GDAP1: variants seen among roughly 807,000 people sequenced by gnomAD.
GDAP1 encodes the protein ganglioside induced differentiation associated protein 1, also known as ganglioside-induced differentiation-associated protein 1.
GDAP1 carries 34 observed loss-of-function variants against 40.1 expected under a neutral mutation model. That is an observed-to-expected ratio of 0.85 (90% CI 0.64 to 1.13). GDAP1 has a LOEUF of 1.13. Among genes scored for constraint, GDAP1 ranks in the 50% most tolerant of loss-of-function variants. The pLI, the probability that GDAP1 is intolerant of heterozygous loss-of-function variation, is 0.00. For missense variants in GDAP1, 374 were observed against 433.7 expected (o/e 0.86, Z 1.22); for synonymous variants, 170 against 157.4 (o/e 1.08, Z -0.60).
chr8:74,422,320 T>C (rs184646389), intron 2 of GDAP1, among the ~76,000 whole-genome samples: 701 of 55,518 alleles, frequency 0.013, 10 homozygotes, highest in African/African-American at 0.046. Context: ...TTTCTTTCTT[T>C]CTTTCTTTCT....
intron 2 of GDAP1, among the ~76,000 whole-genome samples, chr8:74,480,283 G>A (rs117432040): frequency 0.019 from 2,946 of 152,156 alleles, 42 homozygotes; most frequent in Non-Finnish European, 0.029. Context: ...CACTGCGCCC[G>A]GCCGGCTCTG....
chr8:74,368,485 A>T (rs1168798371), downstream of GDAP1, among the ~76,000 whole-genome samples: 2 of 152,240 alleles, frequency 1.3e-5, no homozygotes, highest in African/African-American at 4.8e-5. Context: ...TTAGCACTAA[A>T]AGCAGAAGTG....
intron 2 of GDAP1, among the ~76,000 whole-genome samples, chr8:74,388,695 C>T (rs1315027575): frequency 1.3e-5 from 2 of 152,128 alleles, no homozygotes; most frequent in African/African-American, 4.8e-5. Context: ...TCTGTTAGGT[C>T]CACTTGGTCC....
chr8:74,393,145 A>G (rs1319495640), intron 2 of GDAP1, among the ~76,000 whole-genome samples: 2 of 152,182 alleles, frequency 1.3e-5, no homozygotes, highest in East Asian at 1.9e-4. Flanking sequence ...CTTAATAACA[A>G]TGAGAATTTA....
intron 2 of GDAP1, among the ~76,000 whole-genome samples, chr8:74,439,110 A>G (rs1393163528): frequency 1.3e-5 from 2 of 151,638 alleles, no homozygotes; most frequent in Non-Finnish European, 2.9e-5. Flanking sequence ...AAATGTATTC[A>G]TCTTTTTATT....
intron 2 of GDAP1, among the ~76,000 whole-genome samples, chr8:74,473,045 C>G (rs1806579706): frequency 6.6e-6 from 1 of 151,812 alleles, no homozygotes; most frequent in African/African-American, 2.4e-5. Flanking sequence ...CCACTGTGCC[C>G]AGCCGAGCTT....
At chr8:74,434,598 T>G (rs752061418) in intron 2 of GDAP1, among the ~76,000 whole-genome samples, 2 of 152,198 alleles carry the variant, frequency 1.3e-5, no homozygotes, top group Non-Finnish European at 2.9e-5. Context: ...CTCATTCTAC[T>G]TAGTCTTTAT....
intron 2 of GDAP1, among the ~76,000 whole-genome samples, chr8:74,424,390 C>T (rs1207119426): frequency 2.6e-5 from 4 of 152,102 alleles, no homozygotes; most frequent in African/African-American, 9.7e-5. Context: ...CCTGAGTTTG[C>T]TCATGATCCA....
intron 2 of GDAP1, among the ~76,000 whole-genome samples, chr8:74,391,986 T>A (rs992326880): frequency 6.6e-6 from 1 of 152,026 alleles, no homozygotes; most frequent in Admixed American, 6.5e-5. Flanking sequence ...GCCCAGCAAA[T>A]TTTTGTATTT....
At chr8:74,398,608 G>C (rs1028564589) in intron 2 of GDAP1, among the ~76,000 whole-genome samples, 1 of 152,242 alleles carries the variant, frequency 6.6e-6, no homozygotes, top group South Asian at 2.1e-4. Flanking sequence ...GGTGAGAGAG[G>C]GCATCCCTGT....
intron 2 of GDAP1, among the ~76,000 whole-genome samples, chr8:74,437,461 T>A (rs1040869419): frequency 4.6e-5 from 7 of 152,156 alleles, no homozygotes; most frequent in African/African-American, 1.7e-4. Flanking sequence ...TTCATATTAA[T>A]TTATTATTTA....
chr8:74,475,166 GCTTTT>G (rs1806610814), intron 2 of GDAP1, among the ~76,000 whole-genome samples: 1 of 151,398 alleles, frequency 6.6e-6, no homozygotes, highest in African/African-American at 2.4e-5. Context: ...TGATCTTCTT[GCTTTT>G]CTTTTTTATT....
chr8:74,411,052 GT>G (rs1248690394), intron 2 of GDAP1, among the ~76,000 whole-genome samples: 3 of 149,642 alleles, frequency 2.0e-5, no homozygotes, highest in Non-Finnish European at 4.4e-5. Context: ...AGATCTGATG[GT>G]TTTAGAAATG....
At chr8:74,479,305 G>A (rs1465642293) in intron 2 of GDAP1, among the ~76,000 whole-genome samples, 1 of 152,088 alleles carries the variant, frequency 6.6e-6, no homozygotes, top group Non-Finnish European at 1.5e-5. Flanking sequence ...TTTTAAGGCA[G>A]ATAGTTCAAT....
chr8:74,487,911 C>T (rs1165115773), intron 2 of GDAP1, among the ~76,000 whole-genome samples: 1 of 152,084 alleles, frequency 6.6e-6, no homozygotes, highest in Admixed American at 6.6e-5. Context: ...TAAGAAGTTA[C>T]ATCTTGATCC....
At chr8:74,456,142 C>T (rs1349257685) in intron 2 of GDAP1, among the ~76,000 whole-genome samples, 1 of 151,828 alleles carries the variant, frequency 6.6e-6, no homozygotes, top group Non-Finnish European at 1.5e-5. Context: ...CTCAAATTCC[C>T]TAGTTAGTAC....
Position 74,366,450 on chromosome 8 carries a change from A to G in GDAP1, c.*2083A>G, listed in dbSNP as rs1393672118. On this transcript the variant is annotated 3_prime_UTR_variant, in exon 6 of 6. Coordinates refer to ENST00000220822, the MANE Select transcript of GDAP1 (RefSeq NM_018972.4). ...AAAAAGCTTGAGGCAAATGTGAGTGATTTCCAGTGCTTTGAAAGGGATTAC... is the reference window on the plus strand; with the variant it reads ...AAAAAGCTTGAGGCAAATGTGAGTGGTTTCCAGTGCTTTGAAAGGGATTAC... The G allele has an allele frequency of 2.2e-6, 1 of 454,506 alleles. No homozygotes were observed. The highest frequency in any genetic ancestry group is 4.4e-6 in the Non-Finnish European group (1 of 226,752). 28.2% of individuals were successfully genotyped at this position (454,506 alleles called of 1,614,324 possible).
rs376774392 is a variant in GDAP1 at position 74,412,322 on chromosome 8, G to A, written c.165+61001G>A. Among the ~76,000 whole-genome samples, 3 of 150,026 alleles carry A rather than the reference G, an allele frequency of 2.0e-5. No individual in the cohort carries two copies. The East Asian group carries it at 5.8e-4, about 29-fold the overall frequency. ...GAGATATGAAAGATGTGATAAGGAA[G>A]TCCAACATATAAAAGTCAAGCTGAA... On this transcript the variant is annotated intron_variant, in intron 2 of 2. Coordinates refer to the GDAP1 transcript ENST00000523640.
intron 2 of GDAP1, among the ~76,000 whole-genome samples, chr8:74,376,011 G>A (rs534978260): frequency 2.0e-5 from 3 of 152,258 alleles, no homozygotes; most frequent in South Asian, 4.1e-4. Flanking sequence ...AATTCCTTTT[G>A]TAGTACACCA....
Sources: allele counts gnomAD v4.1 joint callset (sites outside exome capture counted in the v4.1 genomes callset), GRCh38; gene constraint gnomAD v4.1.1; transcripts MANE v1.5; gene names NCBI Gene and HGNC (gene_info 2026-07-23, HGNC 2026-07-21).